The following GRM7 variants were observed in gnomAD, a reference collection of about 807,000 sequenced individuals.
GRM7 encodes the protein metabotropic glutamate receptor 7.
A neutral mutation model predicts 84.5 loss-of-function variants in GRM7; 35 were observed. The observed-to-expected ratio is 0.41, with a 90% CI of 0.32 to 0.55. GRM7 has a LOEUF of 0.55. Ranked by LOEUF, GRM7 falls within the 20% of genes least tolerant of loss-of-function variation. The probability of loss-of-function intolerance (pLI) is 0.19; values close to 1 mark genes in which losing one functional copy is unlikely to be tolerated. For synonymous variants in GRM7, 487 were observed against 455.1 expected, an observed-to-expected ratio of 1.07 and a Z score of -0.89; for missense variants, 1,003 against 1,194.6, an observed-to-expected ratio of 0.84 and a Z score of 2.36.
At chr3:7,187,911 A>ACCT (rs1437041918) in intron 2 of GRM7, among the ~76,000 whole-genome samples, 1 of 151,986 alleles carries the variant, frequency 6.6e-6, no homozygotes, top group Non-Finnish European at 1.5e-5. Context: ...AGTGAGTCCC[A>ACCT]CCTCCTACCT....
chr3:7,472,071 G>A (rs1271861900), intron 7 of GRM7, among the ~76,000 whole-genome samples: 1 of 152,130 alleles, frequency 6.6e-6, no homozygotes, highest in Non-Finnish European at 1.5e-5. Context: ...AAAAGAGCTG[G>A]GTGTTAAAAA....
Position 7,071,979 on chromosome 3 carries a change from TG to T in GRM7, c.520-74472del, listed in dbSNP as rs566756744. 1.6e-3 allele frequency among the ~76,000 whole-genome samples: 247 copies of T among 152,246 alleles called. 1 individual carries two copies. The highest frequency in any genetic ancestry group is 2.9e-3 in the Non-Finnish European group (199 of 68,012). On this transcript the variant is annotated intron_variant, in intron 1 of 9. Coordinates refer to ENST00000357716, the MANE Select transcript of GRM7 (RefSeq NM_000844.4). ...AAAAAAAAGAAATGCTTGAGTAAAA[TG>T]TTAAATTCAGTTTCCTTATTACCAT...
intron 9 of GRM7, among the ~76,000 whole-genome samples, chr3:7,713,124 GTTTTTTTTTTT>G (rs5846535): frequency 1.0e-5 from 1 of 97,124 alleles, no homozygotes; most frequent in Non-Finnish European, 2.2e-5. Context: ...ATTTTGTTTT[GTTTTTTTTTTT>G]TTTTTTTTTT....
intron 7 of GRM7, among the ~76,000 whole-genome samples, chr3:7,518,187 G>A (rs1442137221): frequency 6.6e-6 from 1 of 152,214 alleles, no homozygotes; most frequent in African/African-American, 2.4e-5. Flanking sequence ...CAGCTGTGGT[G>A]TGATTCCTTT....
chr3:7,712,893 G>A (rs1701631892), intron 9 of GRM7, among the ~76,000 whole-genome samples: 1 of 152,040 alleles, frequency 6.6e-6, no homozygotes, highest in Admixed American at 6.6e-5. Context: ...GGTGATTCTT[G>A]ACTTGTAGCT....
At position 7,103,816 on chromosome 3, in the gene GRM7, TTC is replaced by T. The variant is rs796785372; in HGVS notation, c.520-42624_520-42623del. Among the ~76,000 whole-genome samples, 85 of 89,104 alleles carry T rather than the reference TTC, an allele frequency of 9.5e-4. 5 individuals carry two copies. The highest frequency in any genetic ancestry group is 2.6e-3 in the African/African-American group (54 of 20,768). 58.5% of individuals were successfully genotyped at this position (89,104 alleles called of 152,430 possible). A position where few individuals can be genotyped will look rare whatever the true frequency, so the allele number is the denominator to read the frequency against. On this transcript the variant is annotated intron_variant, in intron 1 of 9. Transcript: ENST00000357716. ...TTTCTTTCTTTCTTTCTTTCTTTCT[TTC>T]TCTCTCTCTCTGTCTCTCTCTCCCT...
rs545015618 is a variant in GRM7, at chr3:7,208,052, G to T, written c.736+61384G>T. Among the ~76,000 whole-genome samples the T allele has an allele frequency of 5.3e-5, 8 of 152,264 alleles. No homozygotes were observed. In the South Asian group the frequency reaches 1.7e-3, roughly 32 times the overall value. On this transcript the variant is annotated intron_variant, in intron 2 of 9. Coordinates refer to ENST00000357716, the MANE Select transcript of GRM7 (RefSeq NM_000844.4). Reference sequence around the variant, plus strand: ...AAGATTGAATGTGGCAAGATAAATTGAGAAGGTGCTTAGAAAAAGACATTA... The same window carrying T: ...AAGATTGAATGTGGCAAGATAAATTTAGAAGGTGCTTAGAAAAAGACATTA...
intron 7 of GRM7, among the ~76,000 whole-genome samples, chr3:7,481,135 G>C (rs1372234833): frequency 1.3e-5 from 2 of 151,806 alleles, no homozygotes; most frequent in Non-Finnish European, 2.9e-5. Context: ...CTGGAATGCA[G>C]TGGTATGGTC....
intron 9 of GRM7, among the ~76,000 whole-genome samples, chr3:7,718,681 A>T (rs1701842574): frequency 6.6e-6 from 1 of 152,138 alleles, no homozygotes; most frequent in African/African-American, 2.4e-5. Context: ...TGGGGAGGAG[A>T]CTTATCCAAA....
At chr3:7,371,043 T>C (rs1390676307) in intron 4 of GRM7, among the ~76,000 whole-genome samples, 1 of 152,204 alleles carries the variant, frequency 6.6e-6, no homozygotes, top group Non-Finnish European at 1.5e-5. Context: ...AAACACTATT[T>C]TCAGTATTTT....
At chr3:7,673,666 C>T (rs985276858) in intron 8 of GRM7, among the ~76,000 whole-genome samples, 11 of 152,016 alleles carry the variant, frequency 7.2e-5, no homozygotes, top group African/African-American at 2.7e-4. Context: ...AAGTGGATGC[C>T]AGCAGGATTG....
chr3:6,861,420 T>A lies in GRM7; in HGVS notation c.32T>A (p.Leu11Gln). MVQLRKLLRV[L>Q]TLMKFPCCVL... is the part of the protein sequence containing the mutation. Reference sequence around the variant, plus strand: ...CAGCTGAGGAAGCTGCTCCGCGTCCTGACTTTGATGAAGTTCCCCTGCTGC... The same window carrying A: ...CAGCTGAGGAAGCTGCTCCGCGTCCAGACTTTGATGAAGTTCCCCTGCTGC... Residue 11 changes from leucine (L) to glutamine (Q), a missense_variant, in exon 1 of 10, where the codon CTG (leucine) becomes CAG (glutamine). Physicochemically the swap from Leu to Gln is moderately radical, Grantham distance 113 (BLOSUM62 -2). Around this residue, in one of 2 missense-constraint regions of GRM7, gnomAD observed 93 missense variants for 68.6 expected, o/e 1.36. Coordinates refer to ENST00000357716, the MANE Select transcript of GRM7 (RefSeq NM_000844.4). This position sits in a 1 kb window ranked among gnomAD's most constrained non-coding sequence, Gnocchi z 6.4. 1.3e-6 allele frequency: 2 copies of A among 1,597,982 alleles called. No individual in the cohort carries two copies. The highest frequency in any genetic ancestry group is 1.7e-6 in the Non-Finnish European group (2 of 1,174,210).
intron 1 of GRM7, among the ~76,000 whole-genome samples, chr3:6,959,882 A>T (rs114537218): frequency 2.0e-5 from 3 of 151,942 alleles, no homozygotes; most frequent in Non-Finnish European, 2.9e-5. Flanking sequence ...ACAAATGGAA[A>T]CTCATGGAGA....
At chr3:7,464,280 G>A (rs1698371718) in intron 7 of GRM7, among the ~76,000 whole-genome samples, 1 of 152,066 alleles carries the variant, frequency 6.6e-6, no homozygotes, top group South Asian at 2.1e-4. Context: ...TGTGGATGAT[G>A]GCAACACATG....
chr3:7,136,630 C>T (rs2125058486), intron 1 of GRM7, among the ~76,000 whole-genome samples: 1 of 152,176 alleles, frequency 6.6e-6, no homozygotes, highest in East Asian at 1.9e-4. Context: ...AAGAAAAACT[C>T]CCAAATACTG....
chr3:7,378,676 A>G (rs1694458949), intron 4 of GRM7, among the ~76,000 whole-genome samples: 1 of 152,158 alleles, frequency 6.6e-6, no homozygotes. Flanking sequence ...TATTGTATTA[A>G]CTAACATTAG....
At chr3:7,099,372 A>G (rs559877617) in intron 1 of GRM7, among the ~76,000 whole-genome samples, 16 of 147,998 alleles carry the variant, frequency 1.1e-4, no homozygotes, top group Non-Finnish European at 1.9e-4. Flanking sequence ...GTATACATAT[A>G]TACATATATA....
At chr3:6,875,375 T>A (rs910514456) in intron 1 of GRM7, among the ~76,000 whole-genome samples, 3 of 152,122 alleles carry the variant, frequency 2.0e-5, no homozygotes, top group Admixed American at 1.3e-4. Context: ...AGAGGTAAAT[T>A]GAATCATGGG....
intron 1 of GRM7, among the ~76,000 whole-genome samples, chr3:6,901,307 A>C (rs1266320524): frequency 6.6e-6 from 1 of 152,156 alleles, no homozygotes; most frequent in Admixed American, 6.5e-5. Context: ...AGCAATAAGA[A>C]GATTTATGTA....
Sources: gnomAD v4.1 joint callset for allele counts (sites outside exome capture counted in the v4.1 genomes callset) on GRCh38, gnomAD v4.1.1 for gene constraint, gnomAD v4.1.1 regional missense constraint, Gnocchi (gnomAD v3.1) non-coding constraint, MANE v1.5 for transcripts, NCBI Gene and HGNC (gene_info 2026-07-23, HGNC 2026-07-21) for gene names.